The following OTOGL variants were observed in gnomAD, a reference collection of about 807,000 sequenced individuals.
OTOGL encodes the protein otogelin-like protein.
In OTOGL, 285 loss-of-function variants were observed where a neutral mutation model predicts 318.5. The observed-to-expected ratio is 0.89, with a 90% CI of 0.81 to 0.99. The LOEUF (loss-of-function observed/expected upper bound fraction) is 0.99, where lower values mean the gene tolerates loss of function less well. Ranked by LOEUF, OTOGL falls within the 50% of genes least tolerant of loss-of-function variation. The pLI is 0.00. For missense variants in OTOGL, 2,899 were observed against 2,845.6 expected, an observed-to-expected ratio of 1.02 and a Z score of -0.43; for synonymous variants, 987 against 936.5, an observed-to-expected ratio of 1.05 and a Z score of -0.99.
intron 1 of OTOGL, among the ~76,000 whole-genome samples, chr12:80,138,933 T>G (rs1592485736): frequency 6.6e-6 from 1 of 152,296 alleles, no homozygotes; most frequent in East Asian, 1.9e-4. Flanking sequence ...GGTAAACATT[T>G]AGACTATCTT....
intron 38 of OTOGL, among the ~76,000 whole-genome samples, chr12:80,334,101 G>A (rs1888249544): frequency 6.6e-6 from 1 of 152,160 alleles, no homozygotes; most frequent in African/African-American, 2.4e-5. Context: ...AAGGTGTAAG[G>A]AGGGAATAGA....
At chr12:80,348,245 G>C (rs11114412) in intron 44 of OTOGL, among the ~76,000 whole-genome samples, 18,648 of 151,966 alleles carry the variant, frequency 0.12, 2,607 homozygotes, top group African/African-American at 0.34. Flanking sequence ...GGGTTTTTAT[G>C]GTTTTAGGTC....
rs191517602 is a variant in OTOGL at position 80,239,079 on chromosome 12, T to A, written c.945+101T>A. 5.4e-4 allele frequency: 690 copies of A among 1,285,806 alleles called. 4 individuals carry two copies. The African/African-American group carries it at 9.7e-3, about 18-fold the overall frequency. 79.6% of individuals were successfully genotyped at this position (1,285,806 alleles called of 1,614,324 possible). A position where few individuals can be genotyped will look rare whatever the true frequency, so the allele number is the denominator to read the frequency against. ...TTTTTAGTGTAAACACAACATAATT[T>A]AAAAATATTATATCCAGGAAATGTA... On this transcript the variant is annotated intron_variant, in intron 10 of 58. Transcript: ENST00000547103.
chr12:80,208,548 G>T (rs1876990534), intron 1 of OTOGL, among the ~76,000 whole-genome samples: 1 of 152,182 alleles, frequency 6.6e-6, no homozygotes, highest in South Asian at 2.1e-4. Flanking sequence ...TCACTAAGGT[G>T]TGGGGCTCAG....
chr12:80,308,090 G>A (rs1886336474), intron 29 of OTOGL, among the ~76,000 whole-genome samples: 1 of 145,496 alleles, frequency 6.9e-6, no homozygotes, highest in African/African-American at 2.6e-5. Context: ...CTGGCCGGGT[G>A]GGGGGCTGAC....
At position 80,261,315 on chromosome 12, in the gene OTOGL, T is replaced by C. The variant is rs186621028; in HGVS notation, c.1890-654T>C. 1.8e-4 allele frequency among the ~76,000 whole-genome samples: 27 copies of C among 152,256 alleles called. No individual in the cohort carries two copies. In the East Asian group the frequency reaches 5.2e-3, roughly 29 times the overall value. ...GGGGTTGTCACTTAATAAATGTTGG[T>C]TGATGAATGAATACATCTGAATGGC... On this transcript the variant is annotated intron_variant, in intron 18 of 58. Transcript: ENST00000547103.
intron 1 of OTOGL, among the ~76,000 whole-genome samples, chr12:80,170,120 C>T (rs1259295508): frequency 1.3e-5 from 2 of 151,808 alleles, no homozygotes; most frequent in African/African-American, 4.8e-5. Flanking sequence ...ACATTTCCAA[C>T]AGGAATGTAT....
intron 34 of OTOGL, among the ~76,000 whole-genome samples, chr12:80,322,857 T>C (rs1364742325): frequency 6.6e-6 from 1 of 152,208 alleles, no homozygotes; most frequent in African/African-American, 2.4e-5. Context: ...CAACAGAATA[T>C]TCTTCCTAGA....
At chr12:80,168,755 T>TTG (rs1445385175) in intron 1 of OTOGL, among the ~76,000 whole-genome samples, 2 of 152,184 alleles carry the variant, frequency 1.3e-5, no homozygotes, top group African/African-American at 4.8e-5. Flanking sequence ...GTGTCTTATC[T>TTG]TGTAAGTTAT....
chr12:80,227,436 T>C (rs928257567), intron 7 of OTOGL, among the ~76,000 whole-genome samples: 1 of 152,192 alleles, frequency 6.6e-6, no homozygotes, highest in African/African-American at 2.4e-5. Flanking sequence ...ATTTGATGTC[T>C]TTCATGTCGC....
intron 1 of OTOGL, among the ~76,000 whole-genome samples, chr12:80,139,101 AAAG>A (rs1565874540): frequency 6.6e-6 from 1 of 152,202 alleles, no homozygotes; most frequent in Non-Finnish European, 1.5e-5. Context: ...GTTAAGAGAG[AAAG>A]AATAAGAAAT....
At chr12:80,302,829 AT>A in intron 28 of OTOGL, 46 bp downstream of exon 28, 1 of 1,371,278 alleles carries the variant, frequency 7.3e-7, no homozygotes. Context: ...ATAAAATCAC[AT>A]TTAGTTTTTG....
rs750934969 is a variant in OTOGL, at chr12:80,229,223, T to C, written c.490-34T>C. The stretch of plus-strand genomic sequence containing the variant: ...TTAATAACTCAGATTTATTGTTTGT[T>C]CCTATGCTTTCTTTTTGTTTTTCTC... On this transcript the variant is annotated intron_variant, in intron 7 of 58. Coordinates refer to ENST00000547103, the MANE Select transcript of OTOGL (RefSeq NM_001378609.3). 6 of 1,584,002 alleles carry C rather than the reference T, an allele frequency of 3.8e-6. No homozygotes were observed. The South Asian group carries it at 4.4e-5, about 12-fold the overall frequency.
At chr12:80,128,120 T>G (rs1184582943) in intron 1 of OTOGL, among the ~76,000 whole-genome samples, 2 of 152,196 alleles carry the variant, frequency 1.3e-5, no homozygotes, top group South Asian at 2.1e-4. Context: ...GGAGCTCTGA[T>G]TTTTAGAATT....
rs1352860694 is a variant in OTOGL, at chr12:80,278,961, G to A, written c.2790-67G>A. 2.0e-6 allele frequency: 3 copies of A among 1,514,644 alleles called. No individual in the cohort carries two copies. The African/African-American group carries it at 4.1e-5, about 21-fold the overall frequency. 93.8% of individuals were successfully genotyped at this position (1,514,644 alleles called of 1,614,324 possible). A position where few individuals can be genotyped will look rare whatever the true frequency, so the allele number is the denominator to read the frequency against. ...TCTTGAATACAGACATTCCAATGTT[G>A]CTGTCACTTGAAATCACTAGTTAGA... On this transcript the variant is annotated intron_variant, in intron 25 of 58. Coordinates refer to ENST00000547103, the MANE Select transcript of OTOGL (RefSeq NM_001378609.3).
intron 1 of OTOGL, among the ~76,000 whole-genome samples, chr12:80,135,407 G>A (rs910220559): frequency 2.0e-5 from 3 of 151,516 alleles, no homozygotes; most frequent in Non-Finnish European, 4.4e-5. Context: ...TGAGTAGCTG[G>A]GATTACAGGT....
intron 13 of OTOGL, among the ~76,000 whole-genome samples, chr12:80,252,488 A>G (rs1323493092): frequency 6.6e-6 from 1 of 152,172 alleles, no homozygotes; most frequent in Admixed American, 6.5e-5. Context: ...AACAATTTAT[A>G]TATCTTCACT....
intron 26 of OTOGL, among the ~76,000 whole-genome samples, chr12:80,286,412 C>T (rs899246681): frequency 6.6e-6 from 1 of 152,192 alleles, no homozygotes; most frequent in Admixed American, 6.5e-5. Context: ...AGTAGTCCCT[C>T]TTCTTCTGTT....
intron 1 of OTOGL, among the ~76,000 whole-genome samples, chr12:80,111,374 G>A (rs564189123): frequency 1.3e-5 from 2 of 152,242 alleles, no homozygotes; most frequent in East Asian, 3.9e-4. Context: ...AGTTTTTATG[G>A]TTTTAGGTCT....
Sources: allele counts gnomAD v4.1 joint callset (sites outside exome capture counted in the v4.1 genomes callset), GRCh38; gene constraint gnomAD v4.1.1; transcripts MANE v1.5; gene names NCBI Gene and HGNC (gene_info 2026-07-23, HGNC 2026-07-21).